YTHDC2: variants seen among roughly 807,000 people sequenced by gnomAD.
YTHDC2 encodes the protein 3'-5' RNA helicase YTHDC2.
YTHDC2 carries 45 observed loss-of-function variants against 174.9 expected under a neutral mutation model. The ratio of observed to expected loss-of-function variants is 0.26; its 90% confidence interval spans 0.20 to 0.33. The LOEUF is 0.33. Ranked by LOEUF, YTHDC2 falls within the 10% of genes least tolerant of loss-of-function variation. YTHDC2 has a pLI of 1.00. For missense variants in YTHDC2, 1,650 were observed against 1,723.7 expected (o/e 0.96, Z 0.76); for synonymous variants, 657 against 574.5 (o/e 1.14, Z -2.05).
At position 113,539,117 on chromosome 5, in the gene YTHDC2, T is replaced by C. The variant is rs1377452691; in HGVS notation, c.1146T>C (p.Asp382=). ...PFEVKEMFLE[D]ILRTTGYTNK... Reference sequence around the variant, plus strand: ...AAGTAAAAGAAATGTTTCTGGAAGATATTTTAAGAACAACTGGATATACAA... The same window carrying C: ...AAGTAAAAGAAATGTTTCTGGAAGACATTTTAAGAACAACTGGATATACAA... The change falls in exon 8 of 30, where the codon GAT becomes GAC. Residue 382 remains aspartate (D), a synonymous_variant. Transcript: ENST00000161863. 4.1e-6 allele frequency: 6 copies of C among 1,446,810 alleles called. No individual in the cohort carries two copies. Among genetic ancestry groups the C allele is most frequent in the Non-Finnish European group, 4.6e-6 (5 of 1,076,876 alleles). 89.6% of individuals were successfully genotyped at this position (1,446,810 alleles called of 1,614,324 possible). A position where few individuals can be genotyped will look rare whatever the true frequency, so the allele number is the denominator to read the frequency against.
intron 26 of YTHDC2, among the ~76,000 whole-genome samples, chr5:113,588,485 G>A (rs373211358): frequency 1.4e-4 from 21 of 151,760 alleles, no homozygotes; most frequent in African/African-American, 4.4e-4. Context: ...GAGTAATGCC[G>A]GCCTCATAAG....
chr5:113,556,224 C>A, intron 17 of YTHDC2, 90 bp downstream of exon 17: 1 of 611,602 alleles, frequency 1.6e-6, no homozygotes, highest in Admixed American at 3.3e-5. Context: ...ATTCCATGTT[C>A]AATAAAATAG....
At chr5:113,550,235 A>C (rs964419289) in intron 12 of YTHDC2, among the ~76,000 whole-genome samples, 1 of 151,930 alleles carries the variant, frequency 6.6e-6, no homozygotes, top group Non-Finnish European at 1.5e-5. Context: ...GCCTGATCGC[A>C]TAGGAACAGA....
chr5:113,535,490 A>G (rs1169702015), intron 6 of YTHDC2, 152 bp from the exon 7 acceptor site: 1 of 659,484 alleles, frequency 1.5e-6, no homozygotes, highest in Non-Finnish European at 2.3e-6. Flanking sequence ...TTATTTCTGA[A>G]ATTCCTGTAA....
intron 2 of YTHDC2, among the ~76,000 whole-genome samples, chr5:113,517,777 A>G (rs1040180467): frequency 2.6e-5 from 4 of 152,174 alleles, no homozygotes; most frequent in Non-Finnish European, 4.4e-5. Context: ...TCTTTTCACA[A>G]AAAGAAAGAA....
At chr5:113,573,090 T>C (rs1777834667) in intron 23 of YTHDC2, among the ~76,000 whole-genome samples, 1 of 152,222 alleles carries the variant, frequency 6.6e-6, no homozygotes, top group Admixed American at 6.5e-5. Context: ...CGTGTGTTTT[T>C]GTAGTGGCTG....
intron 4 of YTHDC2, among the ~76,000 whole-genome samples, chr5:113,528,425 G>A (rs927730713): frequency 1.3e-5 from 2 of 152,074 alleles, no homozygotes; most frequent in Non-Finnish European, 2.9e-5. Context: ...TGCCTTTAAT[G>A]GTATTAGGAA....
intron 3 of YTHDC2, among the ~76,000 whole-genome samples, chr5:113,525,673 A>G (rs1405061326): frequency 1.3e-5 from 2 of 152,124 alleles, no homozygotes; most frequent in African/African-American, 2.4e-5. Flanking sequence ...AGCTCTGGTA[A>G]GAGATTGGAC....
In YTHDC2 at chr5:113,553,995, T is replaced by C; in HGVS notation, c.2106T>C (p.Phe702=). 6.4e-7 allele frequency: 1 copy of C among 1,574,662 alleles called. No homozygotes were observed. Among genetic ancestry groups the C allele is most frequent in the South Asian group, 1.2e-5 (1 of 83,870 alleles). The part of the protein sequence containing the change: ...ETSITVNDVV[F]VIDSGKVKEK... ...GCATCACAGTCAATGATGTTGTCTT[T>C]GTTATTGATTCTGGTAAGGTGAAAG... The change falls in exon 16 of 30, where the codon TTT becomes TTC. Residue 702 remains phenylalanine (F), a synonymous_variant. Transcript: ENST00000161863.
chr5:113,520,410 A>C lies in YTHDC2; in HGVS notation c.279-4571A>C, dbSNP rs559932698. ...GGGTTTATCTTACTTATGATCATAG[A>C]TGTAATATGCTAAATAAAATAAAAA... On this transcript the variant is annotated intron_variant, in intron 2 of 29. Coordinates refer to ENST00000161863, the MANE Select transcript of YTHDC2 (RefSeq NM_022828.5). Among the ~76,000 whole-genome samples the C allele has an allele frequency of 7.2e-5, 11 of 152,328 alleles. No individual in the cohort carries two copies. In the South Asian group the frequency reaches 2.1e-3, roughly 29 times the overall value.
chr5:113,515,506 C>A, intron 2 of YTHDC2, 144 bp downstream of exon 2: 1 of 701,704 alleles, frequency 1.4e-6, no homozygotes. Context: ...AGATTCAGGT[C>A]TGTACCAAAT....
intron 4 of YTHDC2, among the ~76,000 whole-genome samples, chr5:113,528,588 AGCCTCCACCTCCTGAGCTC>A: frequency 6.6e-6 from 1 of 151,590 alleles, no homozygotes; most frequent in Admixed American, 6.6e-5. Flanking sequence ...AATGGCGTGC[AGCCTCCACCTCCTGAGCTC>A]CAGCAATTCT....
intron 17 of YTHDC2, among the ~76,000 whole-genome samples, chr5:113,558,209 GA>G: frequency 6.6e-6 from 1 of 152,336 alleles, no homozygotes; most frequent in East Asian, 1.9e-4. Flanking sequence ...AAAATGAGCT[GA>G]AAGTTGGGGA....
intron 17 of YTHDC2, 53 bp from the exon 18 acceptor site, chr5:113,561,027 T>A: frequency 1.4e-6 from 2 of 1,444,790 alleles, no homozygotes; most frequent in Non-Finnish European, 1.9e-6. Context: ...GTTTACAGTT[T>A]ATTGTAGCCT....
At chr5:113,522,222 G>T (rs1387180943) in intron 2 of YTHDC2, among the ~76,000 whole-genome samples, 1 of 149,976 alleles carries the variant, frequency 6.7e-6, no homozygotes, top group Non-Finnish European at 1.5e-5. Flanking sequence ...AGTCATTTGA[G>T]ATTTGGGCTC....
At position 113,517,271 on chromosome 5, in the gene YTHDC2, C is replaced by G. The variant is rs1362701363; in HGVS notation, c.278+1909C>G. On this transcript the variant is annotated intron_variant, in intron 2 of 29. Coordinates refer to ENST00000161863, the MANE Select transcript of YTHDC2 (RefSeq NM_022828.5). ...GAGGTTACTGCAAACTTAAAAGTTTCCAGTTTTTGGCACTGTTTGGGTTTA... is the reference window on the plus strand; with the variant it reads ...GAGGTTACTGCAAACTTAAAAGTTTGCAGTTTTTGGCACTGTTTGGGTTTA... 5.3e-5 allele frequency among the ~76,000 whole-genome samples: 8 copies of G among 152,118 alleles called. 1 individual carries two copies. The highest frequency in any genetic ancestry group is 5.9e-5 in the Non-Finnish European group (4 of 68,032).
intron 23 of YTHDC2, among the ~76,000 whole-genome samples, chr5:113,573,223 A>G (rs1777842253): frequency 6.6e-6 from 1 of 152,276 alleles, no homozygotes; most frequent in Middle Eastern, 3.4e-3. Flanking sequence ...TCCTTCACTT[A>G]TAAAGCTCAG....
In YTHDC2 at chr5:113,593,373, C is replaced by T. The variant is rs1452579568; in HGVS notation, c.4283C>T (p.Thr1428Ile). The part of the protein sequence containing the change: ...WERLPLGEKN[T>I]TD Reference sequence around the variant, plus strand: ...CGTCTTCCCTTGGGAGAAAAAAACACAACTGATTGACACTCAGGTTATACC... The same window carrying T: ...CGTCTTCCCTTGGGAGAAAAAAACATAACTGATTGACACTCAGGTTATACC... The change falls in exon 29 of 30, where the codon ACA becomes ATA. Residue 1428 changes from threonine to isoleucine, a missense_variant. Physicochemically the swap from Thr to Ile is moderately conservative, Grantham distance 89 (BLOSUM62 -1). This residue lies in a region of YTHDC2 where 913 missense variants were observed against 940.4 expected (regional missense o/e 0.97). Transcript: ENST00000161863. 1 of 1,612,142 alleles carries T rather than the reference C, an allele frequency of 6.2e-7. No individual in the cohort carries two copies. Among genetic ancestry groups the T allele is most frequent in the Non-Finnish European group, 8.5e-7 (1 of 1,178,740 alleles).
intron 23 of YTHDC2, among the ~76,000 whole-genome samples, chr5:113,579,199 T>C (rs1388505366): frequency 6.6e-6 from 1 of 152,138 alleles, no homozygotes; most frequent in African/African-American, 2.4e-5. Flanking sequence ...ACTTTTTCTT[T>C]TTAAAACTGA....
Sources: allele counts gnomAD v4.1 joint callset (sites outside exome capture counted in the v4.1 genomes callset), GRCh38; gene constraint gnomAD v4.1.1; regional missense constraint gnomAD v4.1.1; transcripts MANE v1.5; gene names NCBI Gene and HGNC (gene_info 2026-07-23, HGNC 2026-07-21).